The following ROR1 variants were observed in gnomAD, a reference collection of about 807,000 sequenced individuals.
ROR1 encodes the protein ROR family WNT receptor 1, also known as inactive tyrosine-protein kinase transmembrane receptor ROR1.
Under a neutral mutation model 78.8 loss-of-function variants are expected in ROR1, and 19 were observed. That is an observed-to-expected ratio of 0.24 (90% CI 0.17 to 0.35). The LOEUF (loss-of-function observed/expected upper bound fraction) is 0.35, where lower values mean the gene tolerates loss of function less well. Ranked by LOEUF, ROR1 falls within the 10% of genes least tolerant of loss-of-function variation. The pLI is 1.00. For synonymous variants in ROR1, 386 were observed against 433.6 expected (o/e 0.89, Z 1.36); for missense variants, 917 against 1,177.8 (o/e 0.78, Z 3.24).
At chr1:64,026,994 A>T (rs1171781298) in intron 2 of ROR1, among the ~76,000 whole-genome samples, 1 of 152,242 alleles carries the variant, frequency 6.6e-6, no homozygotes, top group Non-Finnish European at 1.5e-5. Flanking sequence ...TAATACCAAC[A>T]ATCTGTTATG....
At chr1:64,078,185 C>T (rs1320377582) in intron 4 of ROR1, among the ~76,000 whole-genome samples, 1 of 152,182 alleles carries the variant, frequency 6.6e-6, no homozygotes, top group Non-Finnish European at 1.5e-5. Flanking sequence ...ATTCTTAAAA[C>T]ACAGCTATAA....
intron 7 of ROR1, 139 bp downstream of exon 7, chr1:64,142,789 A>C: frequency 6.9e-7 from 1 of 1,453,064 alleles, no homozygotes; most frequent in East Asian, 2.5e-5. Context: ...TTTTAGGGTA[A>C]ACCTTGCCGT....
intron 4 of ROR1, among the ~76,000 whole-genome samples, chr1:64,062,664 G>T (rs945089563): frequency 1.3e-5 from 2 of 152,152 alleles, no homozygotes; most frequent in African/African-American, 4.8e-5. Context: ...AGGCCCAGAA[G>T]GCTGATAAGA....
At chr1:63,815,086 C>T (rs1188588989) in intron 1 of ROR1, among the ~76,000 whole-genome samples, 1 of 152,188 alleles carries the variant, frequency 6.6e-6, no homozygotes, top group East Asian at 1.9e-4. Flanking sequence ...GGTATTATTA[C>T]TGCCTCTGTT....
intron 4 of ROR1, among the ~76,000 whole-genome samples, chr1:64,121,640 G>A (rs12120721): frequency 1.3e-5 from 2 of 149,592 alleles, no homozygotes; most frequent in Admixed American, 1.3e-4. Flanking sequence ...GGTAATAAAA[G>A]TGGACTAACA....
rs535804664 is a variant in ROR1 at position 63,963,608 on chromosome 1, AGAAAG to A, written c.92-45693_92-45689del. On this transcript the variant is annotated intron_variant, in intron 1 of 8. Transcript: ENST00000371079. ...AAACAAAAAAAAAAACAAAACAAAA[AGAAAG>A]GAAGAAAAAAAAGAATTCTGATTTG... Among the ~76,000 whole-genome samples the A allele has an allele frequency of 2.4e-4, 36 of 152,030 alleles. 1 individual carries two copies. The South Asian group carries it at 7.5e-3, about 32-fold the overall frequency.
At chr1:64,089,455 C>T (rs1647178544) in intron 4 of ROR1, among the ~76,000 whole-genome samples, 1 of 152,150 alleles carries the variant, frequency 6.6e-6, no homozygotes, top group Non-Finnish European at 1.5e-5. Context: ...AAGTGATACA[C>T]CCACCTCAGC....
chr1:64,153,325 C>T (rs1292699829), intron 7 of ROR1, among the ~76,000 whole-genome samples: 1 of 152,084 alleles, frequency 6.6e-6, no homozygotes, highest in East Asian at 1.9e-4. Flanking sequence ...GGTGCAGCTG[C>T]TATGGAAAAC....
intron 8 of ROR1, among the ~76,000 whole-genome samples, chr1:64,167,794 G>A (rs1238828902): frequency 6.6e-6 from 1 of 152,184 alleles, no homozygotes; most frequent in Non-Finnish European, 1.5e-5. Context: ...CAGTCAACTA[G>A]CTAGCAGAGA....
intron 4 of ROR1, among the ~76,000 whole-genome samples, chr1:64,082,422 A>C (rs923281756): frequency 1.3e-5 from 2 of 152,264 alleles, no homozygotes. Context: ...GAATGCTGAT[A>C]TCAAGGAAAG....
At chr1:63,808,608 C>T (rs921662614) in intron 1 of ROR1, among the ~76,000 whole-genome samples, 4 of 152,116 alleles carry the variant, frequency 2.6e-5, no homozygotes, top group Non-Finnish European at 2.9e-5. Context: ...TAGTGGTCAG[C>T]GCATACATTT....
At chr1:63,837,497 T>C (rs139789575) in intron 1 of ROR1, among the ~76,000 whole-genome samples, 82 of 152,302 alleles carry the variant, frequency 5.4e-4, no homozygotes, top group African/African-American at 1.8e-3. Context: ...TTTGACAAAA[T>C]TAAATTTGGA....
At chr1:63,791,134 A>G (rs1187029496) in intron 1 of ROR1, among the ~76,000 whole-genome samples, 1 of 152,144 alleles carries the variant, frequency 6.6e-6, no homozygotes, top group Non-Finnish European at 1.5e-5. Context: ...AGGCACATGG[A>G]GGCCTGCTGG....
chr1:64,151,826 C>T (rs930470931), intron 7 of ROR1, among the ~76,000 whole-genome samples: 10 of 149,256 alleles, frequency 6.7e-5, no homozygotes, highest in African/African-American at 1.7e-4. Context: ...GAGGTTACAG[C>T]GAGCTGAGAT....
chr1:64,132,040 C>T (rs1313317833), intron 4 of ROR1, among the ~76,000 whole-genome samples: 1 of 152,108 alleles, frequency 6.6e-6, no homozygotes, highest in Non-Finnish European at 1.5e-5. Context: ...AATTCCTTGC[C>T]CGCTAAGCAG....
At chr1:63,783,168 G>A (rs1428805665) in intron 1 of ROR1, among the ~76,000 whole-genome samples, 1 of 152,132 alleles carries the variant, frequency 6.6e-6, no homozygotes, top group Non-Finnish European at 1.5e-5. Flanking sequence ...AAGAAAGACA[G>A]CGTTGAATGA....
intron 1 of ROR1, among the ~76,000 whole-genome samples, chr1:63,914,617 T>G (rs1645595582): frequency 6.6e-6 from 1 of 152,166 alleles, no homozygotes; most frequent in African/African-American, 2.4e-5. Context: ...TGATCCCAAT[T>G]TATCTTTCCA....
chr1:64,021,130 CA>C (rs1462841555), intron 2 of ROR1, among the ~76,000 whole-genome samples: 1 of 151,706 alleles, frequency 6.6e-6, no homozygotes, highest in Non-Finnish European at 1.5e-5. Flanking sequence ...CTAATTGCTG[CA>C]AATAACTCAT....
intron 1 of ROR1, among the ~76,000 whole-genome samples, chr1:63,953,071 G>A (rs2100473255): frequency 6.6e-6 from 1 of 152,254 alleles, no homozygotes; most frequent in East Asian, 1.9e-4. Context: ...GATTTAGAAA[G>A]GTGGTCAAGA....
Sources: gnomAD v4.1 joint callset for allele counts (sites outside exome capture counted in the v4.1 genomes callset) on GRCh38, gnomAD v4.1.1 for gene constraint, MANE v1.5 for transcripts, NCBI Gene and HGNC (gene_info 2026-07-23, HGNC 2026-07-21) for gene names.